Variants in PKD1L3 observed in about 807,000 individuals in gnomAD.
PKD1L3 encodes polycystin 1 like 3, transient receptor potential channel interacting.
PKD1L3 carries 239 observed loss-of-function variants against 184.1 expected under a neutral mutation model. The ratio of observed to expected loss-of-function variants is 1.30; its 90% CI spans 1.17 to 1.45. PKD1L3 has a LOEUF of 1.45. PKD1L3 is among the 40% of genes most tolerant of loss of function. PKD1L3 has a pLI of 0.00. For missense variants in PKD1L3, 2,660 were observed against 2,067.2 expected (o/e 1.29, Z -5.56); for synonymous variants, 996 against 778.8 (o/e 1.28, Z -4.64).
rs556601257 is a variant in PKD1L3 at position 71,937,095 on chromosome 16, G to A, written c.4452+197C>T. 1.8e-4 allele frequency among the ~76,000 whole-genome samples: 28 copies of A among 152,030 alleles called. No homozygotes were observed. The Middle Eastern group carries it at 0.01, about 55-fold the overall frequency. On this transcript the variant is annotated intron_variant, in intron 25 of 29. Transcript: ENST00000620267. ...TTTTGAGACAGGGTCTTGCTCTGTC[G>A]CCCAGGCTGAAGTGCAGTGGCGTGA...
chr16:71,979,957 T>C (rs1165934944), intron 8 of PKD1L3, 45 bp from the exon 9 acceptor site: 1 of 1,549,720 alleles, frequency 6.5e-7, no homozygotes, highest in Non-Finnish European at 8.7e-7. Flanking sequence ...GTGTGTCCTC[T>C]GAAAGTGAAA....
chr16:71,977,248 C>A lies in PKD1L3; in HGVS notation c.1747G>T (p.Val583Leu), dbSNP rs2039962364. The change falls in exon 11 of 30, where the codon GTG becomes TTG. Residue 583 changes from valine (V) to leucine (L), a missense_variant. Physicochemically the swap from Val to Leu is conservative, Grantham distance 32 (BLOSUM62 1). Coordinates refer to ENST00000620267, the MANE Select transcript of PKD1L3 (RefSeq NM_181536.2). ...GATTGGGTTTTACCTTTTTGCCACA[C>A]CTTATCCTTTGGAAGGGTGATGTTC... ...HLNITLPKDK[V>L]WQKDEEYTWV... The A allele has an allele frequency of 6.5e-7, 1 of 1,528,386 alleles. No homozygotes were observed. Among genetic ancestry groups the A allele is most frequent in the Non-Finnish European group, 8.9e-7 (1 of 1,125,866 alleles). The allele number at this position is 1,528,386 out of a possible 1,614,324, so 94.7% of individuals were successfully genotyped here. A position where few individuals can be genotyped will look rare whatever the true frequency, so the allele number is the denominator to read the frequency against.
intron 13 of PKD1L3, among the ~76,000 whole-genome samples, chr16:71,968,964 G>C (rs577174634): frequency 6.7e-5 from 10 of 150,138 alleles, no homozygotes; most frequent in Middle Eastern, 6.9e-3. Context: ...TCACTCTGTC[G>C]GCCAGGCTGG....
At chr16:71,974,892 C>T (rs1242290707) in intron 11 of PKD1L3, among the ~76,000 whole-genome samples, 1 of 150,492 alleles carries the variant, frequency 6.6e-6, no homozygotes, top group Non-Finnish European at 1.5e-5. Context: ...GGAAGGTGGT[C>T]ATGACGGGAG....
At position 71,951,692 on chromosome 16, in the gene PKD1L3, G is replaced by A; in HGVS notation, c.3062C>T (p.Ser1021Phe). ...ACTCCATGGCGGCTGCTCACACTTGGAGAGTAGGTATGTATTTCTCCTGAG... is the reference window on the plus strand; with the variant it reads ...ACTCCATGGCGGCTGCTCACACTTGAAGAGTAGGTATGTATTTCTCCTGAG... The part of the protein sequence containing the change: ...FLLRRNTYLL[S>F]KCEQPPWSSW... The change falls in exon 19 of 30, where the codon TCC becomes TTC. Residue 1021 changes from serine to phenylalanine, a missense_variant. By Grantham distance (155) the Ser-to-Phe change is radical. Transcript: ENST00000620267. 6 of 1,551,692 alleles carry A rather than the reference G, an allele frequency of 3.9e-6. No homozygotes were observed. Among genetic ancestry groups the A allele is most frequent in the Non-Finnish European group, 5.2e-6 (6 of 1,146,984 alleles).
intron 8 of PKD1L3, 29 bp from the exon 9 acceptor site, chr16:71,979,941 A>G: frequency 6.4e-7 from 1 of 1,550,470 alleles, no homozygotes; most frequent in Non-Finnish European, 8.7e-7. Context: ...ATGGAAGTCA[A>G]TTTTTGTGTG....
chr16:71,934,261 C>G (rs2038096477), intron 26 of PKD1L3, 136 bp from the exon 27 acceptor site: 1 of 745,566 alleles, frequency 1.3e-6, no homozygotes, highest in Non-Finnish European at 2.2e-6. Flanking sequence ...GAACTGCTTT[C>G]TATTGTGGCC....
chr16:71,946,378 TCTTTATA>T (rs2038604198), intron 22 of PKD1L3, among the ~76,000 whole-genome samples: 2 of 152,216 alleles, frequency 1.3e-5, no homozygotes. Context: ...CCCATGCATT[TCTTTATA>T]CTTTATCTAT....
intron 4 of PKD1L3, among the ~76,000 whole-genome samples, chr16:71,986,783 G>C (rs181427068): frequency 1.3e-5 from 2 of 152,080 alleles, no homozygotes; most frequent in African/African-American, 4.8e-5. Context: ...TGCGCTTGTC[G>C]AGCCCCTGTG....
rs1362111676 is a variant in PKD1L3, at chr16:71,934,079, G to C, written c.4660C>G (p.His1554Asp). 2 of 1,551,948 alleles carry C rather than the reference G, an allele frequency of 1.3e-6. No individual in the cohort carries two copies. ...EAVKVNSAAT[H>D]LVGFPVLLAT... is the part of the protein sequence containing the mutation. ...AGGAGAACCGGGAAGCCCACAAGGT[G>C]AGTCGCAGCAGAGTTCACTTTTACT... The change falls in exon 27 of 30, where the codon CAC (histidine) becomes GAC (aspartate). Residue 1554 changes from histidine (H) to aspartate (D), a missense_variant. Physicochemically the swap from His to Asp is moderately conservative, Grantham distance 81 (BLOSUM62 -1). Coordinates refer to ENST00000620267, the MANE Select transcript of PKD1L3 (RefSeq NM_181536.2).
rs1285739028 is a variant in PKD1L3, at chr16:71,986,315, G to A, written c.740C>T (p.Ser247Phe). 4 of 1,552,130 alleles carry A rather than the reference G, an allele frequency of 2.6e-6. No individual in the cohort carries two copies. Among genetic ancestry groups the A allele is most frequent in the Non-Finnish European group, 3.5e-6 (4 of 1,147,106 alleles). The change falls in exon 5 of 30, where the codon TCT (serine) becomes TTT (phenylalanine). Residue 247 changes from serine (S) to phenylalanine (F), a missense_variant. Coordinates refer to ENST00000620267, the MANE Select transcript of PKD1L3 (RefSeq NM_181536.2). ...TGGGCTTGAAGTTGTTTCTGCCAGA[G>A]ATTGCCCAGCATGCGTGACAGACAC... is the stretch of plus-strand genomic sequence containing the variant. ...MPVSVTHAGQ[S>F]LAETTSSPKE... is the part of the protein sequence containing the mutation.
chr16:71,950,276 G>C lies in PKD1L3; in HGVS notation c.3225C>G (p.Tyr1075Ter). The C allele has an allele frequency of 6.5e-7, 1 of 1,542,620 alleles. No homozygotes were observed. Among genetic ancestry groups the C allele is most frequent in the Non-Finnish European group, 8.8e-7 (1 of 1,141,488 alleles). The stretch of plus-strand genomic sequence containing the variant: ...TCAGCCTCTGCAGAACTCTATGCAG[G>C]TAACAGCAGAAATGATGGTGGTTTT... ...VPENHHHFCC[Y>*]LHRVLQRLKS... The change falls in exon 20 of 30, where the codon TAC becomes TAG. Residue 1075 changes from tyrosine to a stop codon, truncating the protein, a stop_gained. Transcript: ENST00000620267. LOFTEE classifies it high-confidence loss of function.
At chr16:71,991,200 C>G (rs74647029) in intron 3 of PKD1L3, 1 of 215,412 alleles carries the variant, frequency 4.6e-6, no homozygotes. Context: ...GGAGTTGTAC[C>G]TGATTTTATC....
chr16:71,933,813 G>T, intron 27 of PKD1L3, 102 bp downstream of exon 27: 1 of 1,298,842 alleles, frequency 7.7e-7, no homozygotes, highest in Non-Finnish European at 1.1e-6. Flanking sequence ...CTTTCCTACT[G>T]TACCACCTCG....
rs1026702761 is a variant in PKD1L3 at position 71,967,325 on chromosome 16, G to A, written c.2287-10C>T. The A allele has an allele frequency of 1.3e-6, 2 of 1,543,976 alleles. No individual in the cohort carries two copies. Among genetic ancestry groups the A allele is most frequent in the Admixed American group, 2.0e-5 (1 of 49,376 alleles). ...AGAGGGTGATGACAACCTACAATGAGACAGGGAAAGATAAAATATAAGGAA... is the reference window on the plus strand; with the variant it reads ...AGAGGGTGATGACAACCTACAATGAAACAGGGAAAGATAAAATATAAGGAA... On this transcript the variant is annotated splice_polypyrimidine_tract_variant and intron_variant, in intron 14 of 29. Transcript: ENST00000620267.
rs1016910055 is a variant in PKD1L3, at chr16:71,937,357, A to G, written c.4387T>C (p.Cys1463Arg). ...ACTTGTGAGATGATAGACCAGACAC[A>G]GCCCTTCTTTGACATCTGAAGGGAA... ...FTSLQMSKKGCVWSIISQVIY... is the reference protein window; with the variant it reads ...FTSLQMSKKGRVWSIISQVIY... The change falls in exon 25 of 30, where the codon TGT becomes CGT. Residue 1463 changes from cysteine (C) to arginine (R), a missense_variant. Physicochemically the swap from Cys to Arg is radical, Grantham distance 180. Coordinates refer to ENST00000620267, the MANE Select transcript of PKD1L3 (RefSeq NM_181536.2). 6.4e-7 allele frequency: 1 copy of G among 1,551,630 alleles called. No homozygotes were observed. Among genetic ancestry groups the G allele is most frequent in the Non-Finnish European group, 8.7e-7 (1 of 1,146,914 alleles).
chr16:71,944,358 G>T (rs2038477450), intron 22 of PKD1L3, among the ~76,000 whole-genome samples, 188 bp from the exon 23 acceptor site: 2 of 152,108 alleles, frequency 1.3e-5, no homozygotes, highest in South Asian at 4.1e-4. Context: ...ATCAATTGGG[G>T]ACTGATACTT....
chr16:71,937,223 T>A lies in PKD1L3; in HGVS notation c.4452+69A>T, dbSNP rs1379416414. The A allele has an allele frequency of 3.4e-6, 5 of 1,471,050 alleles. No individual in the cohort carries two copies. The Admixed American group carries it at 6.5e-5, about 19-fold the overall frequency. 91.1% of individuals were successfully genotyped at this position (1,471,050 alleles called of 1,614,324 possible). The stretch of plus-strand genomic sequence containing the variant: ...GGTGCATGCCACCACACCTGGGTAA[T>A]TTTTGTAGTCTGGTAAAGATGAGGT... On this transcript the variant is annotated intron_variant, in intron 25 of 29. Coordinates refer to ENST00000620267, the MANE Select transcript of PKD1L3 (RefSeq NM_181536.2).
chr16:71,957,321 G>C (rs2039085978), intron 16 of PKD1L3, among the ~76,000 whole-genome samples: 1 of 152,018 alleles, frequency 6.6e-6, no homozygotes, highest in South Asian at 2.1e-4. Flanking sequence ...AATACGTATA[G>C]AAAACAAATA....
Sources: gnomAD v4.1 joint callset for allele counts (sites outside exome capture counted in the v4.1 genomes callset) on GRCh38, gnomAD v4.1.1 for gene constraint, MANE v1.5 for transcripts, NCBI Gene and HGNC (gene_info 2026-07-23, HGNC 2026-07-21) for gene names.